The following CACTIN variants were observed in gnomAD, a reference collection of about 807,000 sequenced individuals.
CACTIN encodes the protein cactin, spliceosome C complex subunit.
CACTIN carries 20 observed loss-of-function variants against 84.9 expected under a neutral mutation model. The observed-to-expected ratio is 0.24, with a 90% CI of 0.17 to 0.34. CACTIN has a LOEUF of 0.34. CACTIN is among the 10% of genes least tolerant of loss of function. The probability of loss-of-function intolerance (pLI) is 1.00; values close to 1 mark genes in which losing one functional copy is unlikely to be tolerated. For missense variants in CACTIN, 897 were observed against 1,117.2 expected (o/e 0.80, Z 2.81); for synonymous variants, 549 against 467.9 (o/e 1.17, Z -2.24).
At chr19:3,621,408 C>T (rs1279518838) in intron 2 of CACTIN, among the ~76,000 whole-genome samples, 3 of 152,248 alleles carry the variant, frequency 2.0e-5, no homozygotes, top group African/African-American at 7.2e-5. Context: ...GGAGCCCCCA[C>T]TTCCCGACCA....
In CACTIN at chr19:3,611,785, G is replaced by A. The variant is rs760749693; in HGVS notation, c.*138C>T. The A allele has an allele frequency of 9.7e-6, 11 of 1,134,318 alleles. No individual in the cohort carries two copies. The highest frequency in any genetic ancestry group is 7.9e-5 in the Admixed American group (4 of 50,328). The allele number at this position is 1,134,318 out of a possible 1,614,324, so 70.3% of individuals were successfully genotyped here. A position where few individuals can be genotyped will look rare whatever the true frequency, so the allele number is the denominator to read the frequency against. On this transcript the variant is annotated 3_prime_UTR_variant, in exon 10 of 10. Transcript: ENST00000429344. ...ATATAGGAGGAAACTGAGGCCTGGC[G>A]AAAGAAAGATGCGGCCTGAGGTGGG...
chr19:3,623,052 A>G (rs1187304855), intron 2 of CACTIN, among the ~76,000 whole-genome samples: 2 of 152,186 alleles, frequency 1.3e-5, no homozygotes, highest in African/African-American at 4.8e-5. Flanking sequence ...CCTGGCCAAC[A>G]TAGTGAGACT....
At chr19:3,614,957 G>T in intron 6 of CACTIN, 1 of 368,322 alleles carries the variant, frequency 2.7e-6, no homozygotes, top group South Asian at 2.4e-5. Context: ...GCCCAACTCT[G>T]CCCTGGCCTT....
chr19:3,620,761 C>T lies in CACTIN; in HGVS notation c.684G>A (p.Glu228=), dbSNP rs1343754975. The T allele has an allele frequency of 2.5e-6, 4 of 1,613,592 alleles. No individual in the cohort carries two copies. The highest frequency in any genetic ancestry group is 3.4e-6 in the Non-Finnish European group (4 of 1,179,914). Reference sequence around the variant, plus strand: ...GGATCCTCTTGTTCCGCTCCTTCAGCTCCTTCTCCTCCAGGTGGCTGATCC... The same window carrying T: ...GGATCCTCTTGTTCCGCTCCTTCAGTTCCTTCTCCTCCAGGTGGCTGATCC... The part of the protein sequence containing the change: ...KKGISHLEEK[E]LKERNKRIQE... Residue 228 remains glutamate, a synonymous_variant, in exon 3 of 10, where the codon GAG becomes GAA. Coordinates refer to ENST00000429344, the MANE Select transcript of CACTIN (RefSeq NM_001080543.2).
intron 4 of CACTIN, among the ~76,000 whole-genome samples, chr19:3,619,858 T>A (rs1004360786): frequency 1.3e-5 from 2 of 151,196 alleles, no homozygotes. Flanking sequence ...CTGGGTGGAG[T>A]GTGGGAGGGA....
intron 2 of CACTIN, among the ~76,000 whole-genome samples, chr19:3,622,824 C>T (rs1346998129): frequency 2.6e-5 from 4 of 152,236 alleles, no homozygotes; most frequent in African/African-American, 9.6e-5. Context: ...AACTGTGGAA[C>T]CCTGTCCTGG....
At chr19:3,612,648 C>T (rs995076086) in intron 9 of CACTIN, 39 of 721,834 alleles carry the variant, frequency 5.4e-5, no homozygotes, top group Non-Finnish European at 8.7e-5. Flanking sequence ...GGGGACCAAG[C>T]GCAGCGCGCT....
rs773178523 is a variant in CACTIN, at chr19:3,613,451, C to T, written c.1478+13G>A. The T allele has an allele frequency of 2.6e-5, 41 of 1,567,312 alleles. No homozygotes were observed. The highest frequency in any genetic ancestry group is 2.2e-4 in the South Asian group (19 of 86,294). On this transcript the variant is annotated intron_variant, in intron 8 of 9. Coordinates refer to ENST00000429344, the MANE Select transcript of CACTIN (RefSeq NM_001080543.2). ...GTCTGCATCGGCGTCCCCGGGGTGCCGGCCGGGCCTACCTGCGGCTGGGGG... is the reference window on the plus strand; with the variant it reads ...GTCTGCATCGGCGTCCCCGGGGTGCTGGCCGGGCCTACCTGCGGCTGGGGG...
chr19:3,613,048 C>A lies in CACTIN; in HGVS notation c.1786+10G>T. On this transcript the variant is annotated intron_variant, in intron 9 of 9. Transcript: ENST00000429344. Reference sequence around the variant, plus strand: ...TGGCCCCACCCCCTGGCCTCCAGCCCCGCCCTTACCCGTGACCTGGAGCTG... The same window carrying A: ...TGGCCCCACCCCCTGGCCTCCAGCCACGCCCTTACCCGTGACCTGGAGCTG... The A allele has an allele frequency of 6.6e-7, 1 of 1,520,402 alleles. No individual in the cohort carries two copies. Among genetic ancestry groups the A allele is most frequent in the South Asian group, 1.2e-5 (1 of 80,524 alleles). 94.2% of individuals were successfully genotyped at this position (1,520,402 alleles called of 1,614,324 possible).
Position 3,613,478 on chromosome 19 carries a change from C to G in CACTIN, c.1464G>C (p.Gln488His), listed in dbSNP as rs754436865. 15 of 1,580,218 alleles carry G rather than the reference C, an allele frequency of 9.5e-6. No individual in the cohort carries two copies. In the African/African-American group the frequency reaches 1.7e-4, roughly 18 times the overall value. The stretch of plus-strand genomic sequence containing the variant: ...GCCGGGCCTACCTGCGGCTGGGGGA[C>G]TGGGGCTCCTGCTTGAGGATGGGGA... ...PLFPILKQEP[Q>H]SPSRSLEPED... is the part of the protein sequence containing the mutation. Residue 488 changes from glutamine to histidine, a missense_variant, in exon 8 of 10, where the codon CAG (glutamine) becomes CAC (histidine). Coordinates refer to ENST00000429344, the MANE Select transcript of CACTIN (RefSeq NM_001080543.2).
rs1299822890 is a variant in CACTIN, at chr19:3,626,726, C to A, written c.37G>T (p.Gly13Cys). ...RDTRSRSRSA[G>C]RRGRRRQSQS... ...CTCTGCCGCCTTCGGCCCCGGCGAC[C>A]CGCGGACCGCGAGCGCGAGCGTGTG... The change falls in exon 1 of 10, where the codon GGT (glycine) becomes TGT (cysteine). Residue 13 changes from glycine to cysteine, a missense_variant. This residue lies in a region of CACTIN where 261 missense variants were observed against 243.8 expected (regional missense o/e 1.07). Transcript: ENST00000429344. The A allele has an allele frequency of 4.0e-6, 6 of 1,493,764 alleles. No homozygotes were observed. In the South Asian group the frequency reaches 5.1e-5, roughly 13 times the overall value. The allele number at this position is 1,493,764 out of a possible 1,614,324, so 92.5% of individuals were successfully genotyped here. A position where few individuals can be genotyped will look rare whatever the true frequency, so the allele number is the denominator to read the frequency against.
chr19:3,618,705 G>C (rs2033159325), intron 6 of CACTIN, among the ~76,000 whole-genome samples, 170 bp downstream of exon 6: 2 of 152,208 alleles, frequency 1.3e-5, no homozygotes. Flanking sequence ...TCCCTCCCAG[G>C]GCCTACTGCC....
At chr19:3,617,250 G>C (rs537342258) in intron 6 of CACTIN, among the ~76,000 whole-genome samples, 1 of 152,232 alleles carries the variant, frequency 6.6e-6, no homozygotes, top group Non-Finnish European at 1.5e-5. Context: ...CTCAACTCTC[G>C]CCTGGGCGAC....
In CACTIN at chr19:3,619,225, C is replaced by G. The variant is rs778317029; in HGVS notation, c.902G>C (p.Arg301Pro). Residue 301 changes from arginine to proline, a missense_variant, in exon 5 of 10, where the codon CGG (arginine) becomes CCG (proline). Around this residue, in one of 8 missense-constraint regions of CACTIN, gnomAD observed 304 missense variants for 444.3 expected, o/e 0.68. Coordinates refer to ENST00000429344, the MANE Select transcript of CACTIN (RefSeq NM_001080543.2). Reference sequence around the variant, plus strand: ...GTCGATGGGCTTGGCCCGCCCGTCCCGGATGCGGATCTTGGAACTGTGGGG... The same window carrying G: ...GTCGATGGGCTTGGCCCGCCCGTCCGGGATGCGGATCTTGGAACTGTGGGG... ...QAKLRSKIRIRDGRAKPIDLL... is the reference protein window; with the variant it reads ...QAKLRSKIRIPDGRAKPIDLL... 2 of 1,613,176 alleles carry G rather than the reference C, an allele frequency of 1.2e-6. No homozygotes were observed. Among genetic ancestry groups the G allele is most frequent in the Non-Finnish European group, 1.7e-6 (2 of 1,179,746 alleles).
In CACTIN at chr19:3,611,024, G is replaced by T. The variant is rs376732385; in HGVS notation, c.*899C>A. ...CTGTCCTGATATGGGCAAAACTCGG[G>T]GTCACTGGTCTCATGCTCCAAGGCC... On this transcript the variant is annotated 3_prime_UTR_variant, in exon 10 of 10. Coordinates refer to ENST00000429344, the MANE Select transcript of CACTIN (RefSeq NM_001080543.2). 1 of 446,306 alleles carries T rather than the reference G, an allele frequency of 2.2e-6. No homozygotes were observed. Among genetic ancestry groups the T allele is most frequent in the Non-Finnish European group, 4.5e-6 (1 of 219,954 alleles). The allele number at this position is 446,306 out of a possible 1,614,324, so 27.6% of individuals were successfully genotyped here.
At chr19:3,618,691 C>T (rs2033158966) in intron 6 of CACTIN, among the ~76,000 whole-genome samples, 184 bp downstream of exon 6, 1 of 152,240 alleles carries the variant, frequency 6.6e-6, no homozygotes, top group Non-Finnish European at 1.5e-5. Context: ...GCCCGCCCCA[C>T]TCATCCCTCC....
Position 3,611,112 on chromosome 19 carries a change from C to T in CACTIN, c.*811G>A. ...CCCCTCACCCTTCTCCAACCCCCAG[C>T]CTTCGGGGAGCCCCTGCCCTCCAGG... On this transcript the variant is annotated 3_prime_UTR_variant, in exon 10 of 10. Coordinates refer to ENST00000429344, the MANE Select transcript of CACTIN (RefSeq NM_001080543.2). 2.6e-6 allele frequency: 1 copy of T among 382,590 alleles called. No homozygotes were observed. Among genetic ancestry groups the T allele is most frequent in the South Asian group, 1.9e-5 (1 of 51,872 alleles). 23.7% of individuals were successfully genotyped at this position (382,590 alleles called of 1,614,324 possible).
At chr19:3,623,228 C>T (rs1474084715) in intron 2 of CACTIN, among the ~76,000 whole-genome samples, 2 of 151,874 alleles carry the variant, frequency 1.3e-5, no homozygotes, top group Admixed American at 6.6e-5. Flanking sequence ...GAGCGAGACC[C>T]TGAGTCAAAA....
At chr19:3,614,956 T>G in intron 6 of CACTIN, 1 of 364,490 alleles carries the variant, frequency 2.7e-6, no homozygotes, top group Non-Finnish European at 5.3e-6. Flanking sequence ...GGCCCAACTC[T>G]GCCCTGGCCT....
Sources: gnomAD v4.1 joint callset for allele counts (sites outside exome capture counted in the v4.1 genomes callset) on GRCh38, gnomAD v4.1.1 for gene constraint, gnomAD v4.1.1 regional missense constraint, MANE v1.5 for transcripts, NCBI Gene and HGNC (gene_info 2026-07-23, HGNC 2026-07-21) for gene names.